CTXN3: variants seen among roughly 807,000 people sequenced by gnomAD.
The protein encoded by CTXN3 is cortexin 3, also known as cortexin-3.
CTXN3 carries 4 observed loss-of-function variants against 5.0 expected under a neutral mutation model. The ratio of observed to expected loss-of-function variants is 0.79; its 90% CI spans 0.39 to 1.82. CTXN3 has a LOEUF of 1.82. CTXN3 is among the 40% of genes most tolerant of loss of function. The pLI, the probability that CTXN3 is intolerant of heterozygous loss-of-function variation, is 0.04. For missense variants in CTXN3, 89 were observed against 99.7 expected, an observed-to-expected ratio of 0.89 and a Z score of 0.46; for synonymous variants, 48 against 38.6, an observed-to-expected ratio of 1.24 and a Z score of -0.91.
At chr5:127,653,172 G>A (rs1749820869) in intron 1 of CTXN3, 145 bp from the exon 2 acceptor site, 1 of 152,226 alleles carries the variant, frequency 6.6e-6, no homozygotes. Context: ...TGGCTGCAAT[G>A]ACTACGCCTG....
In CTXN3 at chr5:127,657,745, A is replaced by T; in HGVS notation, c.224A>T (p.Gln75Leu). 1.2e-6 allele frequency: 2 copies of T among 1,614,156 alleles called. No individual in the cohort carries two copies. The highest frequency in any genetic ancestry group is 1.7e-6 in the Non-Finnish European group (2 of 1,180,006). The change falls in exon 3 of 3, where the codon CAG (glutamine) becomes CTG (leucine). Residue 75 changes from glutamine (Q) to leucine (L), a missense_variant. Gln to Leu is a moderately radical substitution (Grantham distance 113). Coordinates refer to ENST00000379445, the MANE Select transcript of CTXN3 (RefSeq NM_001048252.3). ...ADGLEGLEKG[Q>L]FDHALA The stretch of plus-strand genomic sequence containing the variant: ...GGACTTGAAGGCCTGGAGAAAGGGC[A>T]GTTCGACCATGCCCTTGCTTAGGAG...
chr5:127,651,052 T>C (rs995231555), intron 1 of CTXN3, among the ~76,000 whole-genome samples: 23 of 152,198 alleles, frequency 1.5e-4, no homozygotes, highest in African/African-American at 5.3e-4. Flanking sequence ...AGTAAGTTTG[T>C]CTCTGTTGGT....
chr5:127,654,192 G>A (rs191355675), intron 2 of CTXN3, among the ~76,000 whole-genome samples: 1 of 152,264 alleles, frequency 6.6e-6, no homozygotes, highest in East Asian at 1.9e-4. Context: ...TAGGAACTTG[G>A]GCACCACAGT....
intron 1 of CTXN3, among the ~76,000 whole-genome samples, chr5:127,651,140 G>T (rs1260825979): frequency 2.0e-5 from 3 of 152,134 alleles, no homozygotes; most frequent in African/African-American, 7.2e-5. Context: ...TAGTCTGCCA[G>T]ATAAATATAA....
intron 2 of CTXN3, among the ~76,000 whole-genome samples, chr5:127,656,507 C>G (rs1401200880): frequency 2.0e-5 from 3 of 152,134 alleles, no homozygotes; most frequent in African/African-American, 7.2e-5. Context: ...CGATCAATTC[C>G]TTTCTCTTGG....
chr5:127,654,950 T>C (rs114305355), intron 2 of CTXN3, among the ~76,000 whole-genome samples: 3,237 of 152,244 alleles, frequency 0.021, 109 homozygotes, highest in African/African-American at 0.07. Flanking sequence ...TTTTGGATTA[T>C]ATGGTGTTTT....
chr5:127,654,288 T>C (rs1749856216), intron 2 of CTXN3, among the ~76,000 whole-genome samples: 2 of 152,210 alleles, frequency 1.3e-5, no homozygotes, highest in African/African-American at 4.8e-5. Context: ...TAATTTGGTA[T>C]ATCAGGAAAG....
chr5:127,650,496 G>T (rs1283610145), intron 1 of CTXN3, among the ~76,000 whole-genome samples: 1 of 152,276 alleles, frequency 6.6e-6, no homozygotes, highest in South Asian at 2.1e-4. Context: ...AGATGTTGCC[G>T]TGTATATGAG....
chr5:127,651,127 C>T (rs1342382279), intron 1 of CTXN3, among the ~76,000 whole-genome samples: 1 of 152,092 alleles, frequency 6.6e-6, no homozygotes, highest in Non-Finnish European at 1.5e-5. Flanking sequence ...AGATTGGTCT[C>T]GCTAGTCTGC....
intron 2 of CTXN3, among the ~76,000 whole-genome samples, chr5:127,656,680 C>T (rs1327275240): frequency 1.3e-5 from 2 of 152,176 alleles, no homozygotes; most frequent in Non-Finnish European, 2.9e-5. Flanking sequence ...GCATAGCTCC[C>T]TTAGTTGTGT....
At position 127,657,447 on chromosome 5, in the gene CTXN3, G is replaced by A; in HGVS notation, c.-75G>A. On this transcript the variant is annotated 5_prime_UTR_variant, in exon 3 of 3. Transcript: ENST00000379445. The stretch of plus-strand genomic sequence containing the variant: ...GATAACTCAGCCTCTCCAGAGTGCA[G>A]CCACCATGACCTCCGCAGATTGATG... 1.3e-6 allele frequency: 2 copies of A among 1,557,472 alleles called. No homozygotes were observed. Among genetic ancestry groups the A allele is most frequent in the Non-Finnish European group, 1.7e-6 (2 of 1,143,834 alleles).
chr5:127,654,730 A>T lies in CTXN3; in HGVS notation c.-100+1307A>T, dbSNP rs189806757. On this transcript the variant is annotated intron_variant, in intron 2 of 2. Coordinates refer to ENST00000379445, the MANE Select transcript of CTXN3 (RefSeq NM_001048252.3). ...GGGGAAGACTACTCCTGGGGTCACA[A>T]TGTTGCTCATCAAGTGGAGATCCCC... Among the ~76,000 whole-genome samples, 48 of 152,224 alleles carry T rather than the reference A, an allele frequency of 3.2e-4. No homozygotes were observed. In the East Asian group the frequency reaches 7.4e-3, roughly 23 times the overall value.
chr5:127,657,558 C>G lies in CTXN3; in HGVS notation c.37C>G (p.Pro13Ala). 1 of 1,613,978 alleles carries G rather than the reference C, an allele frequency of 6.2e-7. No individual in the cohort carries two copies. Among genetic ancestry groups the G allele is most frequent in the Admixed American group, 1.7e-5 (1 of 60,024 alleles). Residue 13 changes from proline to alanine, a missense_variant, in exon 3 of 3, where the codon CCC becomes GCC. Pro to Ala is a conservative substitution (Grantham distance 27). Coordinates refer to ENST00000379445, the MANE Select transcript of CTXN3 (RefSeq NM_001048252.3). Reference sequence around the variant, plus strand: ...ACAGCCCATCCCCTCATCCCTAGTGCCCCTTGGGAACGAATCAGCAGATTC... The same window carrying G: ...ACAGCCCATCCCCTCATCCCTAGTGGCCCTTGGGAACGAATCAGCAGATTC... ...GGQPIPSSLV[P>A]LGNESADSSM...
intron 2 of CTXN3, 77 bp from the exon 3 acceptor site, chr5:127,657,346 G>GA: frequency 1.6e-6 from 1 of 640,458 alleles, no homozygotes; most frequent in Non-Finnish European, 2.6e-6. Flanking sequence ...TTTTCTCTCT[G>GA]AAAAATATGA....
chr5:127,654,846 T>C (rs775722859), intron 2 of CTXN3, among the ~76,000 whole-genome samples: 1 of 152,198 alleles, frequency 6.6e-6, no homozygotes, highest in Non-Finnish European at 1.5e-5. Context: ...AAAGGTTCTC[T>C]ATCTAGTTCT....
intron 2 of CTXN3, among the ~76,000 whole-genome samples, chr5:127,654,633 G>T (rs551394864): frequency 6.6e-6 from 1 of 152,322 alleles, no homozygotes; most frequent in South Asian, 2.1e-4. Flanking sequence ...AGTTGTGGGT[G>T]AAGCCTAGAA....
At chr5:127,656,758 G>A (rs1749917234) in intron 2 of CTXN3, among the ~76,000 whole-genome samples, 1 of 152,136 alleles carries the variant, frequency 6.6e-6, no homozygotes, top group Admixed American at 6.5e-5. Context: ...GGTTTTCACA[G>A]CTCTTCATCC....
intron 2 of CTXN3, among the ~76,000 whole-genome samples, chr5:127,655,374 A>T (rs1043630917): frequency 1.3e-5 from 2 of 152,218 alleles, no homozygotes; most frequent in Admixed American, 6.5e-5. Context: ...AGGGCATAGA[A>T]TGAGATTCTG....
At chr5:127,655,499 T>C (rs1749887430) in intron 2 of CTXN3, among the ~76,000 whole-genome samples, 1 of 152,226 alleles carries the variant, frequency 6.6e-6, no homozygotes. Context: ...TCAGCGGGCT[T>C]TCCTTTGGCC....
Sources: allele counts gnomAD v4.1 joint callset (sites outside exome capture counted in the v4.1 genomes callset), GRCh38; gene constraint gnomAD v4.1.1; transcripts MANE v1.5; gene names NCBI Gene and HGNC (gene_info 2026-07-23, HGNC 2026-07-21).